QKI: variants seen among roughly 807,000 people sequenced by gnomAD.
The protein encoded by QKI is KH domain-containing RNA-binding protein QKI.
A neutral mutation model predicts 39.0 loss-of-function variants in QKI; 10 were observed. The ratio of observed to expected loss-of-function variants is 0.26; its 90% CI spans 0.16 to 0.43. QKI has a LOEUF of 0.43. QKI is among the 20% of genes least tolerant of loss of function. The pLI is 1.00. For missense variants in QKI, 218 were observed against 428.0 expected (o/e 0.51, Z 4.33); for synonymous variants, 204 against 155.4 (o/e 1.31, Z -2.33).
Position 163,450,030 on chromosome 6 carries a change from C to T in QKI, c.143-5249C>T, listed in dbSNP as rs891882329. On this transcript the variant is annotated intron_variant, in intron 1 of 7. Transcript: ENST00000361752. ...TATATGTATAACATATATATACACA[C>T]ACATATATATGTATATATGTGTATA... is the stretch of plus-strand genomic sequence containing the variant. Among the ~76,000 whole-genome samples, 4 of 151,486 alleles carry T rather than the reference C, an allele frequency of 2.6e-5. No individual in the cohort carries two copies. The East Asian group carries it at 7.7e-4, about 29-fold the overall frequency.
intron 1 of QKI, among the ~76,000 whole-genome samples, chr6:163,430,727 G>A (rs1445143337): frequency 6.6e-6 from 1 of 152,024 alleles, no homozygotes; most frequent in African/African-American, 2.4e-5. Context: ...TACTCTAATG[G>A]CTTGAAAAAG....
intron 1 of QKI, among the ~76,000 whole-genome samples, chr6:163,441,831 G>T (rs867403661): frequency 6.6e-6 from 1 of 152,176 alleles, no homozygotes; most frequent in African/African-American, 2.4e-5. Flanking sequence ...TGTAGCCAGG[G>T]ACGGAGGTTA....
chr6:163,545,240 A>G (rs925608577), intron 4 of QKI, among the ~76,000 whole-genome samples: 2 of 152,152 alleles, frequency 1.3e-5, no homozygotes, highest in African/African-American at 4.8e-5. Context: ...ATTCTAAGTA[A>G]AATCCAGTTC....
At chr6:163,480,380 G>C (rs962823083) in intron 3 of QKI, among the ~76,000 whole-genome samples, 1 of 151,930 alleles carries the variant, frequency 6.6e-6, no homozygotes, top group Non-Finnish European at 1.5e-5. Context: ...TCGCTTTGTG[G>C]AACTTACGGA....
chr6:163,426,780 A>G (rs1788438758), intron 1 of QKI, among the ~76,000 whole-genome samples: 2 of 152,344 alleles, frequency 1.3e-5, no homozygotes, highest in Admixed American at 6.5e-5. Flanking sequence ...GCTGCTGCTT[A>G]TTATTACTTG....
At chr6:163,415,479 A>G in intron 1 of QKI, 144 bp downstream of exon 1, 1 of 661,182 alleles carries the variant, frequency 1.5e-6, no homozygotes, top group South Asian at 4.0e-5. Context: ...GGGCGCACAA[A>G]GGAGGTGCCG....
chr6:163,511,822 T>C (rs1239863701), intron 3 of QKI, among the ~76,000 whole-genome samples: 1 of 151,996 alleles, frequency 6.6e-6, no homozygotes, highest in African/African-American at 2.4e-5. Context: ...AAAATGAGAA[T>C]ACTTCTTAAC....
chr6:163,550,027 A>G (rs770403426), intron 4 of QKI, among the ~76,000 whole-genome samples: 3 of 152,360 alleles, frequency 2.0e-5, no homozygotes, highest in East Asian at 1.9e-4. Context: ...AAATCCATTA[A>G]AAGTTCTTCC....
intron 1 of QKI, 113 bp downstream of exon 1, chr6:163,415,448 G>A (rs1582938267): frequency 1.9e-6 from 2 of 1,057,216 alleles, no homozygotes; most frequent in Non-Finnish European, 2.5e-6. Context: ...ACCGAGCGCC[G>A]GGGGGACTGG....
At chr6:163,538,639 A>G (rs1354098345) in intron 4 of QKI, among the ~76,000 whole-genome samples, 1 of 152,228 alleles carries the variant, frequency 6.6e-6, no homozygotes, top group Non-Finnish European at 1.5e-5. Context: ...TGTAATTTGT[A>G]TTTCAAAGGA....
chr6:163,442,775 G>A (rs1283990256), intron 1 of QKI, among the ~76,000 whole-genome samples: 1 of 152,122 alleles, frequency 6.6e-6, no homozygotes, highest in African/African-American at 2.4e-5. Context: ...GTTGGTGATA[G>A]GATTTCATTG....
intron 2 of QKI, among the ~76,000 whole-genome samples, chr6:163,463,749 A>G (rs1791516131): frequency 6.6e-6 from 1 of 152,204 alleles, no homozygotes; most frequent in Admixed American, 6.5e-5. Flanking sequence ...AATAAAGGTC[A>G]ACAAGTGTTT....
intron 3 of QKI, among the ~76,000 whole-genome samples, chr6:163,524,885 G>A (rs1036623483): frequency 1.3e-5 from 2 of 152,026 alleles, no homozygotes; most frequent in African/African-American, 2.4e-5. Flanking sequence ...TGTGCTATCC[G>A]AACACTAACA....
chr6:163,420,285 T>C (rs1483163839), intron 1 of QKI, among the ~76,000 whole-genome samples: 2 of 152,062 alleles, frequency 1.3e-5, no homozygotes, highest in African/African-American at 4.8e-5. Context: ...AACTACAGTT[T>C]AATTTACTTG....
chr6:163,421,108 T>C (rs1476521433), intron 1 of QKI, among the ~76,000 whole-genome samples: 1 of 152,222 alleles, frequency 6.6e-6, no homozygotes, highest in Non-Finnish European at 1.5e-5. Context: ...ATTAGAAATA[T>C]TGTCTAATAA....
intron 1 of QKI, among the ~76,000 whole-genome samples, chr6:163,430,830 TG>T (rs1295085683): frequency 6.6e-6 from 1 of 152,176 alleles, no homozygotes; most frequent in African/African-American, 2.4e-5. Context: ...GTGTGTTCCA[TG>T]GAATACTGGT....
intron 3 of QKI, among the ~76,000 whole-genome samples, chr6:163,515,785 G>T (rs1779755223): frequency 6.6e-6 from 1 of 152,100 alleles, no homozygotes; most frequent in African/African-American, 2.4e-5. Context: ...TTTGAATATT[G>T]AATATTTGAC....
chr6:163,472,985 A>G (rs1410316078), intron 2 of QKI, among the ~76,000 whole-genome samples: 1 of 152,218 alleles, frequency 6.6e-6, no homozygotes, highest in Non-Finnish European at 1.5e-5. Context: ...GATTAAACGA[A>G]GGAAGTAGAA....
chr6:163,510,329 C>T (rs1363081730), intron 3 of QKI, among the ~76,000 whole-genome samples: 2 of 151,822 alleles, frequency 1.3e-5, no homozygotes, highest in Non-Finnish European at 2.9e-5. Context: ...GAGGCCGAGG[C>T]AGGTGGATCA....
Sources: gnomAD v4.1 joint callset for allele counts (sites outside exome capture counted in the v4.1 genomes callset) on GRCh38, gnomAD v4.1.1 for gene constraint, MANE v1.5 for transcripts, NCBI Gene and HGNC (gene_info 2026-07-23, HGNC 2026-07-21) for gene names.